The following ZC3H6 variants were observed in gnomAD, a reference collection of about 807,000 sequenced individuals.
ZC3H6 encodes zinc finger CCCH-type containing 6, also known as zinc finger CCCH domain-containing protein 6.
In ZC3H6, 40 loss-of-function variants were observed where a neutral mutation model predicts 107.7. The ratio of observed to expected loss-of-function variants is 0.37; its 90% confidence interval spans 0.29 to 0.48. ZC3H6 has a LOEUF of 0.48. Among genes scored for constraint, ZC3H6 ranks in the 20% least tolerant of loss-of-function variants. The probability of loss-of-function intolerance (pLI) is 0.98; values close to 1 mark genes in which losing one functional copy is unlikely to be tolerated. For missense variants in ZC3H6, 1,267 were observed against 1,410.4 expected (o/e 0.90, Z 1.63); for synonymous variants, 493 against 487.9 (o/e 1.01, Z -0.14).
At chr2:112,312,051 C>A in intron 5 of ZC3H6, 114 bp downstream of exon 5, 1 of 1,092,926 alleles carries the variant, frequency 9.1e-7, no homozygotes, top group Non-Finnish European at 1.2e-6. Flanking sequence ...GAAAAATTAC[C>A]AGCTCAGATA....
At position 112,325,050 on chromosome 2, in the gene ZC3H6, A is replaced by C; in HGVS notation, c.1939A>C (p.Ser647Arg). 6.2e-7 allele frequency: 1 copy of C among 1,613,900 alleles called. No homozygotes were observed. The highest frequency in any genetic ancestry group is 8.5e-7 in the Non-Finnish European group (1 of 1,179,848). The change falls in exon 11 of 12, where the codon AGC becomes CGC. Residue 647 changes from serine to arginine, a missense_variant. Ser to Arg is a moderately radical substitution (Grantham distance 110). This residue lies in a region of ZC3H6 where 925 missense variants were observed against 1,025.7 expected (regional missense o/e 0.90). Transcript: ENST00000409871. ...CCATGGGAGTGGGTCTGATGGCAGC[A>C]GCACTAGGACAGGCCATGGCCCTCT... The part of the protein sequence containing the change: ...PNHGSGSDGS[S>R]TRTGHGPLPV...
At chr2:112,317,198 C>CTTTT (rs564035069) in intron 6 of ZC3H6, 23 bp from the exon 7 acceptor site, 133 of 1,027,610 alleles carry the variant, frequency 1.3e-4, no homozygotes, top group South Asian at 6.3e-4. Flanking sequence ...TTTCTTTTTT[C>CTTTT]TTTTTTTTTT....
chr2:112,288,962 A>G (rs897049789), intron 1 of ZC3H6, among the ~76,000 whole-genome samples: 2 of 151,506 alleles, frequency 1.3e-5, no homozygotes, highest in African/African-American at 4.9e-5. Context: ...AATAGTTTTC[A>G]TTCTTTGAGC....
intron 1 of ZC3H6, among the ~76,000 whole-genome samples, chr2:112,295,800 CAA>C (rs1676220958): frequency 6.6e-6 from 1 of 152,032 alleles, no homozygotes; most frequent in Non-Finnish European, 1.5e-5. Context: ...TATCTCGTAA[CAA>C]ATATAAATGA....
intron 1 of ZC3H6, among the ~76,000 whole-genome samples, chr2:112,289,690 T>A (rs1046082489): frequency 6.6e-6 from 1 of 152,260 alleles, no homozygotes; most frequent in African/African-American, 2.4e-5. Flanking sequence ...TTTCTAGCTT[T>A]ATATGATTTT....
chr2:112,329,648 T>G (rs1161080302), intron 11 of ZC3H6, among the ~76,000 whole-genome samples: 1 of 152,210 alleles, frequency 6.6e-6, no homozygotes, highest in East Asian at 1.9e-4. Flanking sequence ...ACACTAAAGT[T>G]CCATGTAGTA....
intron 1 of ZC3H6, among the ~76,000 whole-genome samples, chr2:112,281,681 A>C (rs1267430076): frequency 1.3e-5 from 2 of 152,346 alleles, no homozygotes; most frequent in East Asian, 3.9e-4. Context: ...GGCACAATTC[A>C]TGAGGTATTT....
chr2:112,320,522 CTCCT>C (rs1403613609), intron 7 of ZC3H6, among the ~76,000 whole-genome samples: 1 of 152,056 alleles, frequency 6.6e-6, no homozygotes, highest in Non-Finnish European at 1.5e-5. Context: ...AAGGCAAATA[CTCCT>C]TCCTTTTTAA....
chr2:112,321,990 C>T, intron 8 of ZC3H6, 125 bp downstream of exon 8: 4 of 480,782 alleles, frequency 8.3e-6, no homozygotes. Flanking sequence ...ATATTTTATT[C>T]TATTTGAGCA....
At chr2:112,285,536 T>C (rs1181104610) in intron 1 of ZC3H6, among the ~76,000 whole-genome samples, 1 of 152,036 alleles carries the variant, frequency 6.6e-6, no homozygotes, top group African/African-American at 2.4e-5. Context: ...TTTGTATTTT[T>C]TGGTAGAGAC....
intron 11 of ZC3H6, among the ~76,000 whole-genome samples, chr2:112,325,901 A>G (rs1676898348): frequency 6.6e-6 from 1 of 152,116 alleles, no homozygotes; most frequent in African/African-American, 2.4e-5. Flanking sequence ...TAGTTAATTC[A>G]GTAAAGGATG....
chr2:112,313,212 A>G (rs544642727), intron 5 of ZC3H6, among the ~76,000 whole-genome samples: 1 of 152,284 alleles, frequency 6.6e-6, no homozygotes, highest in Admixed American at 6.5e-5. Context: ...CTACACACCT[A>G]CTAACATTCA....
chr2:112,301,520 A>C (rs1676376994), intron 2 of ZC3H6, among the ~76,000 whole-genome samples: 1 of 152,176 alleles, frequency 6.6e-6, no homozygotes, highest in African/African-American at 2.4e-5. Flanking sequence ...TTATTGGCCC[A>C]TTCCATCCAT....
intron 1 of ZC3H6, among the ~76,000 whole-genome samples, chr2:112,282,684 G>A (rs896623202): frequency 3.3e-5 from 5 of 152,094 alleles, no homozygotes; most frequent in African/African-American, 1.2e-4. Context: ...GTAAAATAAG[G>A]ACTAGAAATT....
intron 7 of ZC3H6, among the ~76,000 whole-genome samples, chr2:112,318,870 A>T (rs1676749274): frequency 6.6e-6 from 1 of 152,182 alleles, no homozygotes; most frequent in Non-Finnish European, 1.5e-5. Context: ...GAAAGGACTG[A>T]TCAGTCTTAA....
chr2:112,283,834 G>A (rs901138626), intron 1 of ZC3H6, among the ~76,000 whole-genome samples: 3 of 152,010 alleles, frequency 2.0e-5, no homozygotes, highest in African/African-American at 7.2e-5. Flanking sequence ...TTTTTATTTT[G>A]GATATCACTG....
intron 3 of ZC3H6, among the ~76,000 whole-genome samples, chr2:112,305,295 C>T (rs1425748182): frequency 6.6e-6 from 1 of 152,118 alleles, no homozygotes; most frequent in East Asian, 1.9e-4. Flanking sequence ...GTTCTGGATT[C>T]ATAAGTTATC....
intron 4 of ZC3H6, among the ~76,000 whole-genome samples, chr2:112,311,234 C>T (rs956438683): frequency 1.3e-5 from 2 of 152,202 alleles, no homozygotes; most frequent in South Asian, 2.1e-4. Context: ...TTCAAGGTTA[C>T]AGCAAGCTAT....
chr2:112,278,542 C>A (rs1446858625), intron 1 of ZC3H6, among the ~76,000 whole-genome samples: 3 of 152,178 alleles, frequency 2.0e-5, no homozygotes, highest in Non-Finnish European at 4.4e-5. Flanking sequence ...TGGTCTTGAA[C>A]TCCTGACCTC....
Sources: gnomAD v4.1 joint callset for allele counts (sites outside exome capture counted in the v4.1 genomes callset) on GRCh38, gnomAD v4.1.1 for gene constraint, gnomAD v4.1.1 regional missense constraint, MANE v1.5 for transcripts, NCBI Gene and HGNC (gene_info 2026-07-23, HGNC 2026-07-21) for gene names.